Variants in NDST3 observed in about 807,000 individuals in gnomAD.
NDST3 encodes bifunctional heparan sulfate N-deacetylase/N-sulfotransferase 3.
A neutral mutation model predicts 96.1 loss-of-function variants in NDST3; 58 were observed. The observed-to-expected ratio is 0.60, with a 90% CI of 0.49 to 0.75. The LOEUF is 0.75. Among genes scored for constraint, NDST3 ranks in the 30% least tolerant of loss-of-function variants. The pLI is 0.00. For missense variants in NDST3, 788 were observed against 1,034.2 expected (o/e 0.76, Z 3.27); for synonymous variants, 333 against 359.7 (o/e 0.93, Z 0.84).
chr4:118,056,216 TTGTTTGAAAC>T (rs1199528679), intron 2 of NDST3, among the ~76,000 whole-genome samples: 1 of 151,906 alleles, frequency 6.6e-6, no homozygotes, highest in African/African-American at 2.4e-5. Flanking sequence ...TGAAGTGAAA[TTGTTTGAAAC>T]TGTCAAATAT....
intron 3 of NDST3, among the ~76,000 whole-genome samples, chr4:118,107,105 A>T (rs1730261270): frequency 2.7e-5 from 2 of 73,354 alleles, no homozygotes; most frequent in African/African-American, 6.0e-5. Context: ...AATAATAATA[A>T]TAATAATCAT....
chr4:118,100,737 A>G (rs1286642081), intron 2 of NDST3, among the ~76,000 whole-genome samples: 1 of 152,154 alleles, frequency 6.6e-6, no homozygotes, highest in African/African-American at 2.4e-5. Flanking sequence ...ATCCTTGTTA[A>G]GTCACCTCTT....
chr4:118,182,578 T>C (rs888355619), intron 6 of NDST3, among the ~76,000 whole-genome samples: 1 of 152,152 alleles, frequency 6.6e-6, no homozygotes, highest in Non-Finnish European at 1.5e-5. Context: ...GGACTTCTTA[T>C]AAGACAAACT....
intron 6 of NDST3, among the ~76,000 whole-genome samples, chr4:118,187,837 A>G (rs1737064538): frequency 6.6e-6 from 1 of 152,120 alleles, no homozygotes; most frequent in African/African-American, 2.4e-5. Flanking sequence ...CTGTGGAATG[A>G]CCCTTCTCAG....
chr4:118,223,743 G>A (rs1194317936), intron 6 of NDST3, among the ~76,000 whole-genome samples: 1 of 151,864 alleles, frequency 6.6e-6, no homozygotes, highest in Non-Finnish European at 1.5e-5. Flanking sequence ...GTAAACCATT[G>A]TTACTATTCA....
intron 2 of NDST3, among the ~76,000 whole-genome samples, chr4:118,089,478 C>T (rs534421310): frequency 2.6e-5 from 4 of 151,994 alleles, no homozygotes; most frequent in South Asian, 4.1e-4. Flanking sequence ...TAGGTAAAAT[C>T]GTGGCATCTT....
At chr4:118,175,859 G>T (rs1228818564) in intron 6 of NDST3, among the ~76,000 whole-genome samples, 2 of 152,072 alleles carry the variant, frequency 1.3e-5, no homozygotes, top group Non-Finnish European at 2.9e-5. Flanking sequence ...ATGTAAATGT[G>T]TGTTCTCAGT....
intron 7 of NDST3, among the ~76,000 whole-genome samples, chr4:118,225,526 C>T (rs1348950100): frequency 6.6e-6 from 1 of 152,174 alleles, no homozygotes; most frequent in Non-Finnish European, 1.5e-5. Context: ...CAAGGTCACA[C>T]AGCTAGTGTG....
chr4:118,218,673 T>C (rs1191910512), intron 6 of NDST3, among the ~76,000 whole-genome samples: 1 of 152,136 alleles, frequency 6.6e-6, no homozygotes, highest in Non-Finnish European at 1.5e-5. Flanking sequence ...TTCAACATAG[T>C]ATTGGAAGTT....
chr4:118,191,916 T>C (rs1202771658), intron 6 of NDST3, among the ~76,000 whole-genome samples: 1 of 152,120 alleles, frequency 6.6e-6, no homozygotes, highest in East Asian at 1.9e-4. Context: ...TGTATGAGGG[T>C]TCTCTTTTCT....
At chr4:118,059,589 A>T (rs1725730524) in intron 2 of NDST3, among the ~76,000 whole-genome samples, 1 of 152,088 alleles carries the variant, frequency 6.6e-6, no homozygotes, top group African/African-American at 2.4e-5. Flanking sequence ...GGAAGCTCTA[A>T]TTGGAATGTA....
intron 12 of NDST3, 120 bp downstream of exon 12, chr4:118,242,269 T>C: frequency 1.7e-6 from 1 of 592,372 alleles, no homozygotes; most frequent in Middle Eastern, 4.7e-4. Flanking sequence ...TATTTTTCAA[T>C]TTGACATTAA....
intron 7 of NDST3, among the ~76,000 whole-genome samples, chr4:118,225,735 C>T (rs375298593): frequency 6.6e-6 from 1 of 152,132 alleles, no homozygotes. Flanking sequence ...AGCTTTCAAC[C>T]GTAAGTTAAT....
chr4:118,126,553 T>TATATATATATATATATATAC (rs1325447150), intron 4 of NDST3, among the ~76,000 whole-genome samples: 16 of 142,400 alleles, frequency 1.1e-4, no homozygotes, highest in African/African-American at 3.9e-4. Flanking sequence ...TATATATATA[T>TATATATATATATATATATAC]ACACCTCATA....
At chr4:118,143,720 T>G (rs746846813) in intron 6 of NDST3, 36 bp downstream of exon 6, 1 of 1,549,252 alleles carries the variant, frequency 6.5e-7, no homozygotes, top group South Asian at 1.2e-5. Context: ...TAGTGAAAAA[T>G]GATAGGGCTG....
chr4:118,234,876 A>G (rs1201197638), intron 9 of NDST3, among the ~76,000 whole-genome samples: 1 of 151,970 alleles, frequency 6.6e-6, no homozygotes, highest in African/African-American at 2.4e-5. Flanking sequence ...CTAAAAATAC[A>G]AAAATTAGCT....
At chr4:118,163,621 G>T (rs1010471831) in intron 6 of NDST3, among the ~76,000 whole-genome samples, 2 of 152,092 alleles carry the variant, frequency 1.3e-5, no homozygotes, top group Non-Finnish European at 2.9e-5. Flanking sequence ...GGAGAGGGGA[G>T]GGATAGCATG....
chr4:118,247,902 T>C (rs1741424273), intron 12 of NDST3, among the ~76,000 whole-genome samples: 1 of 152,222 alleles, frequency 6.6e-6, no homozygotes, highest in South Asian at 2.1e-4. Flanking sequence ...GATTTTGAAA[T>C]TTACTGAATT....
Position 118,114,865 on chromosome 4 carries a change from T to C in NDST3, c.1129T>C (p.Trp377Arg). Reference sequence around the variant, plus strand: ...GTTGGGGTCTGTGGATGAGTTCTGGTGGTTTCCTCACATGTGGAGCCATAT... The same window carrying C: ...GTTGGGGTCTGTGGATGAGTTCTGGCGGTTTCCTCACATGTGGAGCCATAT... ...CLLGSVDEFW[W>R]FPHMWSHMQP... The change falls in exon 4 of 14, where the codon TGG becomes CGG. Residue 377 changes from tryptophan to arginine, a missense_variant. Trp to Arg is a moderately radical substitution (Grantham distance 101). Coordinates refer to ENST00000296499, the MANE Select transcript of NDST3 (RefSeq NM_004784.3). The C allele has an allele frequency of 6.2e-7, 1 of 1,614,038 alleles. No individual in the cohort carries two copies. Among genetic ancestry groups the C allele is most frequent in the South Asian group, 1.1e-5 (1 of 91,068 alleles).
Sources: gnomAD v4.1 joint callset for allele counts (sites outside exome capture counted in the v4.1 genomes callset) on GRCh38, gnomAD v4.1.1 for gene constraint, MANE v1.5 for transcripts, NCBI Gene and HGNC (gene_info 2026-07-23, HGNC 2026-07-21) for gene names.